The following DNAH12 variants were observed in gnomAD, a reference collection of about 807,000 sequenced individuals.
DNAH12 encodes the protein dynein axonemal heavy chain 12.
Under a neutral mutation model 371.5 loss-of-function variants are expected in DNAH12, and 285 were observed. The observed-to-expected ratio is 0.77, with a 90% confidence interval of 0.70 to 0.85. The LOEUF is 0.85. Ranked by LOEUF, DNAH12 falls within the 40% of genes least tolerant of loss-of-function variation. The pLI, the probability that DNAH12 is intolerant of heterozygous loss-of-function variation, is 0.00. For missense variants in DNAH12, 3,611 were observed against 3,689.4 expected (o/e 0.98, Z 0.55); for synonymous variants, 1,200 against 1,213.0 (o/e 0.99, Z 0.22).
intron 2 of DNAH12, among the ~76,000 whole-genome samples, chr3:57,539,615 C>CTTTT (rs11359818): frequency 7.8e-6 from 1 of 128,816 alleles, no homozygotes; most frequent in Non-Finnish European, 1.6e-5. Flanking sequence ...TTTCCTTTTC[C>CTTTT]TTTTTTTTTT....
At chr3:57,469,666 T>C (rs2153380022) in intron 16 of DNAH12, among the ~76,000 whole-genome samples, 1 of 152,274 alleles carries the variant, frequency 6.6e-6, no homozygotes. Flanking sequence ...AAGGATGAAA[T>C]CATGCCCTTT....
At chr3:57,295,367 GATA>G (rs964314359) in intron 73 of DNAH12, among the ~76,000 whole-genome samples, 155 bp downstream of exon 73, 11 of 152,218 alleles carry the variant, frequency 7.2e-5, no homozygotes, top group African/African-American at 1.7e-4. Flanking sequence ...CACACAAAGA[GATA>G]ATAATAATTT....
At chr3:57,434,274 C>T (rs937380252) in intron 30 of DNAH12, among the ~76,000 whole-genome samples, 5 of 152,024 alleles carry the variant, frequency 3.3e-5, no homozygotes, top group African/African-American at 1.2e-4. Flanking sequence ...TTCTAACCAA[C>T]GGGTAATAAA....
chr3:57,424,440 C>T (rs147833927), intron 35 of DNAH12, among the ~76,000 whole-genome samples: 3,433 of 139,310 alleles, frequency 0.025, 60 homozygotes, highest in Middle Eastern at 0.037. Context: ...CACTGCACTC[C>T]AGCCTGGGCA....
rs776300939 is a variant in DNAH12 at position 57,314,447 on chromosome 3, TGATA to T, written c.10662+43_10662+46del. On this transcript the variant is annotated intron_variant, in intron 66 of 73. Coordinates refer to ENST00000495027, the MANE Select transcript of DNAH12 (RefSeq NM_001366028.2). ...CCAAGCAAAAGACTTGCCTAGGGCC[TGATA>T]AATAGTGATCCTTCATGAATGTTAA... 3.2e-6 allele frequency: 5 copies of T among 1,548,224 alleles called. No individual in the cohort carries two copies. The South Asian group carries it at 6.0e-5, about 19-fold the overall frequency.
chr3:57,443,945 T>G (rs1246756821), intron 29 of DNAH12, among the ~76,000 whole-genome samples: 1 of 152,168 alleles, frequency 6.6e-6, no homozygotes, highest in Non-Finnish European at 1.5e-5. Flanking sequence ...GGCTCACACC[T>G]GTGATCCCAG....
upstream of DNAH12, among the ~76,000 whole-genome samples, chr3:57,547,624 A>G (rs1157904627): frequency 6.6e-6 from 1 of 152,162 alleles, no homozygotes; most frequent in Non-Finnish European, 1.5e-5. Context: ...AAATATTTCA[A>G]TTTTACTCAC....
intron 10 of DNAH12, among the ~76,000 whole-genome samples, chr3:57,501,945 C>G (rs924969243): frequency 6.6e-6 from 1 of 151,000 alleles, no homozygotes; most frequent in African/African-American, 2.4e-5. Context: ...CTCGCTCTAT[C>G]GCCCAGGCTG....
chr3:57,510,088 T>C (rs1226779547), intron 5 of DNAH12, among the ~76,000 whole-genome samples: 1 of 151,956 alleles, frequency 6.6e-6, no homozygotes. Context: ...ATACAATTTT[T>C]ATTTGTCAAT....
At chr3:57,363,432 T>G (rs1398992124) in intron 58 of DNAH12, among the ~76,000 whole-genome samples, 162 bp downstream of exon 58, 1 of 152,224 alleles carries the variant, frequency 6.6e-6, no homozygotes, top group Non-Finnish European at 1.5e-5. Context: ...AGATATTCTC[T>G]TATGAGTTTA....
chr3:57,444,006 C>G (rs1277888104), intron 29 of DNAH12, among the ~76,000 whole-genome samples: 1 of 152,068 alleles, frequency 6.6e-6, no homozygotes, highest in Admixed American at 6.6e-5. Context: ...GAGTTCAAGA[C>G]CAGCCTGCCC....
At chr3:57,329,643 T>C (rs1034305687) in intron 62 of DNAH12, among the ~76,000 whole-genome samples, 4 of 148,014 alleles carry the variant, frequency 2.7e-5, no homozygotes, top group Non-Finnish European at 4.4e-5. Context: ...ATTCAGGACA[T>C]AGGCATGGTC....
At chr3:57,312,739 G>A (rs886230019) in intron 66 of DNAH12, among the ~76,000 whole-genome samples, 2 of 152,082 alleles carry the variant, frequency 1.3e-5, no homozygotes, top group South Asian at 4.1e-4. Context: ...AATTGGTCTC[G>A]AAAACCAATG....
chr3:57,345,138 ATAC>A, intron 60 of DNAH12, among the ~76,000 whole-genome samples: 1 of 152,336 alleles, frequency 6.6e-6, no homozygotes, highest in Non-Finnish European at 1.5e-5. Context: ...TTTACGGTAT[ATAC>A]TGTATTTACC....
chr3:57,308,593 A>G (rs1359310724), intron 69 of DNAH12, among the ~76,000 whole-genome samples: 2 of 152,072 alleles, frequency 1.3e-5, no homozygotes, highest in Non-Finnish European at 2.9e-5. Context: ...TCATACTCCT[A>G]TTCACCATTC....
chr3:57,449,038 G>T, intron 25 of DNAH12, among the ~76,000 whole-genome samples: 1 of 122,006 alleles, frequency 8.2e-6, no homozygotes, highest in Non-Finnish European at 1.7e-5. Flanking sequence ...CTAAACACAG[G>T]GTGCTGATTG....
At chr3:57,380,178 T>C (rs1209752588) in intron 51 of DNAH12, 100 bp downstream of exon 51, 2 of 152,144 alleles carry the variant, frequency 1.3e-5, no homozygotes, top group Non-Finnish European at 2.9e-5. Context: ...AATCCTAAAA[T>C]GGACTATTTC....
At chr3:57,453,677 G>A (rs1027050448) in intron 23 of DNAH12, among the ~76,000 whole-genome samples, 3 of 151,850 alleles carry the variant, frequency 2.0e-5, no homozygotes, top group African/African-American at 4.8e-5. Context: ...GGGTTCAAGT[G>A]ATTCTCCTGC....
intron 55 of DNAH12, among the ~76,000 whole-genome samples, chr3:57,375,154 C>A (rs2063257146): frequency 6.6e-6 from 1 of 152,044 alleles, no homozygotes; most frequent in African/African-American, 2.4e-5. Flanking sequence ...CCTATGTCTG[C>A]CATTTACATG....
Sources: gnomAD v4.1 joint callset for allele counts (sites outside exome capture counted in the v4.1 genomes callset) on GRCh38, gnomAD v4.1.1 for gene constraint, MANE v1.5 for transcripts, NCBI Gene and HGNC (gene_info 2026-07-23, HGNC 2026-07-21) for gene names.